ANTXR2: variants seen among roughly 807,000 people sequenced by gnomAD.
ANTXR2 encodes ANTXR cell adhesion molecule 2, also known as anthrax toxin receptor 2.
In ANTXR2, 44 loss-of-function variants were observed where a neutral mutation model predicts 73.7. The observed-to-expected ratio is 0.60, with a 90% CI of 0.47 to 0.77. The LOEUF (loss-of-function observed/expected upper bound fraction) is 0.77. Ranked by LOEUF, ANTXR2 falls within the 30% of genes least tolerant of loss-of-function variation. The probability of loss-of-function intolerance (pLI) is 0.00; values close to 1 mark genes in which losing one functional copy is unlikely to be tolerated. For synonymous variants in ANTXR2, 217 were observed against 205.9 expected (o/e 1.05, Z -0.46); for missense variants, 604 against 592.5 (o/e 1.02, Z -0.20).
chr4:80,072,515 A>T lies in ANTXR2; in HGVS notation c.46T>A (p.Phe16Ile), dbSNP rs1734854710. 1 of 1,603,070 alleles carries T rather than the reference A, an allele frequency of 6.2e-7. No individual in the cohort carries two copies. The highest frequency in any genetic ancestry group is 1.7e-5 in the Admixed American group (1 of 58,680). The change falls in exon 1 of 17, where the codon TTC becomes ATC. Residue 16 changes from phenylalanine (F) to isoleucine (I), a missense_variant. Transcript: ENST00000403729. Reference sequence around the variant, plus strand: ...AGCACCAACAGCCACAGCCCGGGGAACAGCCAGCTCCCGGGGCTGCGGGCC... The same window carrying T: ...AGCACCAACAGCCACAGCCCGGGGATCAGCCAGCTCCCGGGGCTGCGGGCC... Reference protein sequence around the residue: ...SPARSPGSWLFPGLWLLVLSG... With the variant: ...SPARSPGSWLIPGLWLLVLSG...
chr4:79,999,397 C>T (rs1301993201), intron 12 of ANTXR2, among the ~76,000 whole-genome samples: 1 of 152,006 alleles, frequency 6.6e-6, no homozygotes, highest in African/African-American at 2.4e-5. Flanking sequence ...TCTTCACCTT[C>T]TGCCATGATT....
chr4:79,928,622 A>G (rs1473913531), intron 16 of ANTXR2, among the ~76,000 whole-genome samples: 2 of 152,174 alleles, frequency 1.3e-5, no homozygotes, highest in Non-Finnish European at 2.9e-5. Flanking sequence ...CATTCCAGAT[A>G]TATACAAATT....
Position 80,008,562 on chromosome 4 carries a change from TC to T in ANTXR2, c.999del (p.Ile334SerfsTer3), listed in dbSNP as rs762482055. ...IVILVLLLLL[G>X]IGLMWWFWPL... ...GGCCAAAACCACCACATCAAACCGA[TC>T]CCCAGGAGTAGCAGTAACACCAAAA... On this transcript the variant is annotated frameshift_variant, in exon 12 of 17. Coordinates refer to ENST00000403729, the MANE Select transcript of ANTXR2 (RefSeq NM_058172.6). LOFTEE classifies it high-confidence loss of function. The T allele has an allele frequency of 8.7e-6, 14 of 1,608,162 alleles. No individual in the cohort carries two copies. The highest frequency in any genetic ancestry group is 1.2e-5 in the Non-Finnish European group (14 of 1,177,760).
chr4:80,072,676 T>C lies in ANTXR2; in HGVS notation c.-116A>G. The C allele has an allele frequency of 7.5e-7, 1 of 1,338,800 alleles. No homozygotes were observed. Among genetic ancestry groups the C allele is most frequent in the East Asian group, 3.1e-5 (1 of 32,184 alleles). 82.9% of individuals were successfully genotyped at this position (1,338,800 alleles called of 1,614,324 possible). A position where few individuals can be genotyped will look rare whatever the true frequency, so the allele number is the denominator to read the frequency against. ...TCTGGGGTGGGGGGCGGCGAGCAGC[T>C]GAGACGCCGGCGCCTGCGGCAGCGG... On this transcript the variant is annotated 5_prime_UTR_variant, in exon 1 of 17. Transcript: ENST00000403729.
chr4:79,908,375 A>T (rs1007060428), intron 16 of ANTXR2, among the ~76,000 whole-genome samples: 1 of 152,144 alleles, frequency 6.6e-6, no homozygotes, highest in African/African-American at 2.4e-5. Flanking sequence ...ATTTCCCTCT[A>T]AATGTAAGTT....
Position 80,072,769 on chromosome 4 carries a change from C to G in ANTXR2, c.-209G>C. On this transcript the variant is annotated 5_prime_UTR_variant, in exon 1 of 17. Coordinates refer to ENST00000403729, the MANE Select transcript of ANTXR2 (RefSeq NM_058172.6). The stretch of plus-strand genomic sequence containing the variant: ...GGACAAAGGGAGTCTCCGCCACCGC[C>G]GCAGCTGCCGCCGGAACTCTTGACG... 8.0e-7 allele frequency: 1 copy of G among 1,242,676 alleles called. No homozygotes were observed. Among genetic ancestry groups the G allele is most frequent in the Non-Finnish European group, 1.0e-6 (1 of 982,168 alleles). 77.0% of individuals were successfully genotyped at this position (1,242,676 alleles called of 1,614,324 possible). A position where few individuals can be genotyped will look rare whatever the true frequency, so the allele number is the denominator to read the frequency against.
At chr4:79,921,380 C>T (rs1291873625) in intron 16 of ANTXR2, among the ~76,000 whole-genome samples, 7 of 152,040 alleles carry the variant, frequency 4.6e-5, no homozygotes, top group Middle Eastern at 6.8e-3. Context: ...TTTTAGGACT[C>T]TAAAGCAATG....
intron 16 of ANTXR2, among the ~76,000 whole-genome samples, chr4:79,959,789 C>A (rs1015582481): frequency 6.6e-6 from 1 of 152,120 alleles, no homozygotes; most frequent in Non-Finnish European, 1.5e-5. Context: ...GGGGTCAAAG[C>A]GGAAAATTCA....
intron 3 of ANTXR2, among the ~76,000 whole-genome samples, chr4:80,057,720 T>C (rs1371196259): frequency 1.3e-5 from 2 of 151,970 alleles, no homozygotes; most frequent in African/African-American, 2.4e-5. Flanking sequence ...AGTTCTCTCC[T>C]AAAAACATTC....
intron 10 of ANTXR2, among the ~76,000 whole-genome samples, chr4:80,024,090 G>C (rs1484400130): frequency 6.6e-6 from 1 of 152,172 alleles, no homozygotes; most frequent in South Asian, 2.1e-4. Context: ...AATGAGGTTA[G>C]TGTGAAAACA....
intron 8 of ANTXR2, among the ~76,000 whole-genome samples, chr4:80,034,755 T>C (rs1383497641): frequency 2.0e-5 from 3 of 152,186 alleles, no homozygotes; most frequent in African/African-American, 7.2e-5. Flanking sequence ...CTGTTCTCTA[T>C]TTTAATTTAA....
chr4:80,047,714 T>A (rs1482083550), intron 7 of ANTXR2, among the ~76,000 whole-genome samples: 1 of 151,652 alleles, frequency 6.6e-6, no homozygotes, highest in Non-Finnish European at 1.5e-5. Flanking sequence ...TAAGCCTCCT[T>A]TTGCAATTAC....
rs950347076 is a variant in ANTXR2, at chr4:80,017,696, G to A, written c.945+1202C>T. ...GTAGAATAGGAAGAAGGATGAGGAA[G>A]GAATGCCATTTCAGTGAGCTAAACA... On this transcript the variant is annotated intron_variant, in intron 11 of 16. Transcript: ENST00000403729. Among the ~76,000 whole-genome samples the A allele has an allele frequency of 2.6e-5, 4 of 152,144 alleles. No homozygotes were observed. The East Asian group carries it at 7.7e-4, about 29-fold the overall frequency.
At chr4:79,965,326 C>T (rs1489735017) in intron 16 of ANTXR2, among the ~76,000 whole-genome samples, 6 of 152,150 alleles carry the variant, frequency 3.9e-5, no homozygotes, top group Non-Finnish European at 8.8e-5. Flanking sequence ...GAACCATTAG[C>T]CACAACCTGA....
intron 16 of ANTXR2, among the ~76,000 whole-genome samples, chr4:79,964,290 TCTAA>T (rs548851784): frequency 2.4e-4 from 37 of 152,332 alleles, no homozygotes; most frequent in African/African-American, 8.7e-4. Flanking sequence ...TTTCTGCTTC[TCTAA>T]CTCTCTCTTT....
At chr4:80,042,080 T>C in intron 7 of ANTXR2, among the ~76,000 whole-genome samples, 1 of 152,208 alleles carries the variant, frequency 6.6e-6, no homozygotes, top group East Asian at 1.9e-4. Flanking sequence ...ATTATGTTTC[T>C]TTCTTGTCTT....
chr4:79,956,477 A>G (rs1728889569), intron 16 of ANTXR2, among the ~76,000 whole-genome samples: 2 of 152,112 alleles, frequency 1.3e-5, no homozygotes, highest in Admixed American at 6.6e-5. Context: ...AGATTCTGTT[A>G]CATTCGGCAA....
chr4:79,943,971 A>G, intron 16 of ANTXR2, among the ~76,000 whole-genome samples: 1 of 145,732 alleles, frequency 6.9e-6, no homozygotes, highest in Non-Finnish European at 1.5e-5. Flanking sequence ...GTTGAAAAGG[A>G]AAGGACACTG....
intron 5 of ANTXR2, 27 bp from the exon 6 acceptor site, chr4:80,055,245 G>GA (rs765469603): frequency 1.3e-5 from 20 of 1,552,292 alleles, no homozygotes; most frequent in African/African-American, 2.7e-5. Flanking sequence ...GGGAAAGAGA[G>GA]AAAAAAAGAG....
Sources: allele counts gnomAD v4.1 joint callset (sites outside exome capture counted in the v4.1 genomes callset), GRCh38; gene constraint gnomAD v4.1.1; transcripts MANE v1.5; gene names NCBI Gene and HGNC (gene_info 2026-07-23, HGNC 2026-07-21).